The following NUP188 variants were observed in gnomAD, a reference collection of about 807,000 sequenced individuals.
NUP188 encodes the protein nucleoporin 188, also known as nucleoporin NUP188.
In NUP188, 97 loss-of-function variants were observed where a neutral mutation model predicts 223.0. The observed-to-expected ratio is 0.43, with a 90% confidence interval of 0.37 to 0.51. The LOEUF (loss-of-function observed/expected upper bound fraction) is 0.51. Ranked by LOEUF, NUP188 falls within the 20% of genes least tolerant of loss-of-function variation. The probability of loss-of-function intolerance (pLI) is 0.00; values close to 1 mark genes in which losing one functional copy is unlikely to be tolerated. For missense variants in NUP188, 1,947 were observed against 2,175.6 expected (o/e 0.89, Z 2.09); for synonymous variants, 869 against 828.0 (o/e 1.05, Z -0.85).
At chr9:128,995,247 A>G (rs1467489702) in intron 29 of NUP188, 72 bp from the exon 30 acceptor site, 9 of 1,294,990 alleles carry the variant, frequency 6.9e-6, no homozygotes, top group Middle Eastern at 1.9e-4. Flanking sequence ...CTCTGCCTCA[A>G]CAAGGGTCTG....
chr9:128,981,254 GT>G lies in NUP188; in HGVS notation c.1390-6del. 1 of 1,611,052 alleles carries G rather than the reference GT, an allele frequency of 6.2e-7. No homozygotes were observed. Among genetic ancestry groups the G allele is most frequent in the South Asian group, 1.1e-5 (1 of 90,390 alleles). ...AGGGAAATGTGTGATGGTTTTTTCTGTTTTGGCAGGTGTATAGCTTCTTGGA... is the reference window on the plus strand; with the variant it reads ...AGGGAAATGTGTGATGGTTTTTTCTGTTTGGCAGGTGTATAGCTTCTTGGA... On this transcript the variant is annotated splice_polypyrimidine_tract_variant and intron_variant, in intron 14 of 43. Transcript: ENST00000372577.
rs772889270 is a variant in NUP188, at chr9:128,981,311, A to G, written c.1437A>G (p.Lys479=). The change falls in exon 15 of 44, where the codon AAA becomes AAG. Residue 479 remains lysine, a synonymous_variant. Coordinates refer to ENST00000372577, the MANE Select transcript of NUP188 (RefSeq NM_015354.3). The stretch of plus-strand genomic sequence containing the variant: ...TGTCTTTCTACAATGAACTTTATAA[A>G]CACAAGCCTCATGATGTGATCTCCC... ...DKMSFYNELY[K]HKPHDVISHE... 7 of 1,614,092 alleles carry G rather than the reference A, an allele frequency of 4.3e-6. No homozygotes were observed. The highest frequency in any genetic ancestry group is 5.9e-6 in the Non-Finnish European group (7 of 1,179,944).
chr9:128,983,194 T>C (rs1842282220), intron 17 of NUP188, 99 bp from the exon 18 acceptor site: 1 of 1,393,520 alleles, frequency 7.2e-7, no homozygotes, highest in Non-Finnish European at 1.0e-6. Flanking sequence ...ATATGTCTGC[T>C]GAGGGGAGAG....
rs1324225588 is a variant in NUP188 at position 128,990,156 on chromosome 9, A to G, written c.2570A>G (p.Lys857Arg). 2.5e-6 allele frequency: 4 copies of G among 1,614,056 alleles called. No homozygotes were observed. Among genetic ancestry groups the G allele is most frequent in the Non-Finnish European group, 3.4e-6 (4 of 1,180,014 alleles). ...AACAACCTCATTGCTGTTCTAGCCA[A>G]ATACATCTACCACAAACATGACCCT... is the stretch of plus-strand genomic sequence containing the variant. ...HGNNLIAVLA[K>R]YIYHKHDPAL... Residue 857 changes from lysine (K) to arginine (R), a missense_variant, in exon 25 of 44, where the codon AAA becomes AGA. Physicochemically the swap from Lys to Arg is conservative, Grantham distance 26. This residue lies in a region of NUP188 where 225 missense variants were observed against 319.1 expected (regional missense o/e 0.71). Transcript: ENST00000372577.
At chr9:128,979,701 C>T (rs763588932) in intron 13 of NUP188, among the ~76,000 whole-genome samples, 8 of 152,016 alleles carry the variant, frequency 5.3e-5, no homozygotes, top group Non-Finnish European at 1.0e-4. Flanking sequence ...GGCGCGATCT[C>T]GGCTCACTGC....
intron 29 of NUP188, 49 bp downstream of exon 29, chr9:128,994,972 G>T: frequency 7.2e-7 from 1 of 1,386,638 alleles, no homozygotes. Context: ...GGGGGAGTGG[G>T]AGTTGGTGGC....
intron 19 of NUP188, 47 bp from the exon 20 acceptor site, chr9:128,984,852 AC>A: frequency 7.5e-7 from 1 of 1,325,818 alleles, no homozygotes; most frequent in Non-Finnish European, 1.1e-6. Flanking sequence ...GTTTCTTGAA[AC>A]CTTGAAATTT....
intron 32 of NUP188, 81 bp downstream of exon 32, chr9:128,998,704 A>G: frequency 8.8e-7 from 1 of 1,130,100 alleles, no homozygotes; most frequent in Non-Finnish European, 1.3e-6. Flanking sequence ...AGGGAGAAAT[A>G]GTGGGTGGAA....
intron 8 of NUP188, among the ~76,000 whole-genome samples, 157 bp downstream of exon 8, chr9:128,959,291 G>A (rs986390768): frequency 2.6e-5 from 4 of 151,892 alleles, no homozygotes; most frequent in East Asian, 1.9e-4. Context: ...ACAGGCACCC[G>A]TCGTCACGCC....
chr9:128,962,848 TTTTG>T (rs1359830533), intron 8 of NUP188, among the ~76,000 whole-genome samples: 8 of 152,206 alleles, frequency 5.3e-5, no homozygotes, highest in African/African-American at 9.6e-5. Context: ...TTCAGCAGTT[TTTTG>T]TTTAATTATG....
intron 12 of NUP188, among the ~76,000 whole-genome samples, chr9:128,976,066 G>C (rs542608187): frequency 6.6e-6 from 1 of 152,114 alleles, no homozygotes; most frequent in Non-Finnish European, 1.5e-5. Flanking sequence ...CAAGTGATCT[G>C]CCTGCCTTGG....
intron 25 of NUP188, among the ~76,000 whole-genome samples, chr9:128,990,616 G>T (rs1426317351): frequency 1.3e-5 from 2 of 152,232 alleles, no homozygotes; most frequent in Non-Finnish European, 2.9e-5. Flanking sequence ...TGTAATCCCA[G>T]CACTTTGGGA....
intron 3 of NUP188, among the ~76,000 whole-genome samples, chr9:128,955,290 A>G (rs985169351): frequency 6.6e-6 from 1 of 151,922 alleles, no homozygotes; most frequent in Non-Finnish European, 1.5e-5. Context: ...CTCTTTTCCT[A>G]TTTTATTTTT....
intron 3 of NUP188, 112 bp from the exon 4 acceptor site, chr9:128,956,238 T>A (rs1367718797): frequency 7.4e-6 from 4 of 544,028 alleles, no homozygotes; most frequent in Non-Finnish European, 1.3e-5. Context: ...TGTGTGTTTA[T>A]AGGCATCTGA....
chr9:128,970,398 G>C (rs939464510), intron 10 of NUP188, among the ~76,000 whole-genome samples: 2 of 152,132 alleles, frequency 1.3e-5, no homozygotes, highest in East Asian at 3.9e-4. Context: ...AGGAGCCTGT[G>C]AAAGAAGAGG....
intron 1 of NUP188, chr9:128,948,035 G>C (rs939965295): frequency 5.9e-6 from 2 of 337,440 alleles, no homozygotes; most frequent in East Asian, 4.4e-5. Flanking sequence ...TCTCACCTCC[G>C]ACGCGTCTCT....
chr9:128,983,131 C>T (rs561247261), intron 17 of NUP188, 103 bp downstream of exon 17: 48 of 1,502,534 alleles, frequency 3.2e-5, no homozygotes, highest in African/African-American at 2.1e-4. Flanking sequence ...TTAAAGTTCG[C>T]GCATATTCCT....
Position 128,970,935 on chromosome 9 carries a change from T to A in NUP188, c.1090T>A (p.Ser364Thr). 1 of 1,613,840 alleles carries A rather than the reference T, an allele frequency of 6.2e-7. No individual in the cohort carries two copies. Among genetic ancestry groups the A allele is most frequent in the Non-Finnish European group, 8.5e-7 (1 of 1,179,894 alleles). ...VFQYLTRLLQ[S>T]LASGGNDCTT... ...TCAGTACTTGACCCGATTGCTCCAGTCCCTTGCCAGTGGGGGAAATGATGT... is the reference window on the plus strand; with the variant it reads ...TCAGTACTTGACCCGATTGCTCCAGACCCTTGCCAGTGGGGGAAATGATGT... The change falls in exon 11 of 44, where the codon TCC becomes ACC. Residue 364 changes from serine to threonine, a missense_variant. Coordinates refer to ENST00000372577, the MANE Select transcript of NUP188 (RefSeq NM_015354.3).
chr9:128,978,889 T>C (rs1842216397), intron 12 of NUP188, among the ~76,000 whole-genome samples: 1 of 152,062 alleles, frequency 6.6e-6, no homozygotes, highest in Non-Finnish European at 1.5e-5. Flanking sequence ...TTTCGTATTT[T>C]TAGTAGACAT....
Sources: allele counts gnomAD v4.1 joint callset (sites outside exome capture counted in the v4.1 genomes callset), GRCh38; gene constraint gnomAD v4.1.1; regional missense constraint gnomAD v4.1.1; transcripts MANE v1.5; gene names NCBI Gene and HGNC (gene_info 2026-07-23, HGNC 2026-07-21).